TOP6BL: variants seen among roughly 807,000 people sequenced by gnomAD.
TOP6BL encodes TOP6B like initiator of meiotic double strand breaks, also known as type 2 DNA topoisomerase 6 subunit B-like.
At chr11:66,775,049 G>A in the TOP6BL span, among the ~76,000 whole-genome samples, 1 of 137,776 alleles carries the variant, frequency 7.3e-6, no homozygotes, top group African/African-American at 2.6e-5. Flanking sequence ...GGAGGCAGAG[G>A]TTGCAGTGAG....
At chr11:66,791,243 A>G in the TOP6BL span, among the ~76,000 whole-genome samples, 1 of 152,184 alleles carries the variant, frequency 6.6e-6, no homozygotes, top group African/African-American at 2.4e-5. Context: ...GGAAAGTTTC[A>G]TTTAGGAGAG....
chr11:66,756,948 A>G, the TOP6BL span, among the ~76,000 whole-genome samples: 1 of 150,136 alleles, frequency 6.7e-6, no homozygotes. Context: ...TGAGCTCAAA[A>G]TATCTACCCA....
At chr11:66,818,500 C>G in the TOP6BL span, among the ~76,000 whole-genome samples, 1,413 of 152,258 alleles carry the variant, frequency 9.3e-3, 5 homozygotes, top group Non-Finnish European at 0.015. Context: ...CTTATGCTCA[C>G]ATAGACAGAG....
the TOP6BL span, among the ~76,000 whole-genome samples, chr11:66,748,703 G>A: frequency 1.3e-5 from 2 of 152,068 alleles, no homozygotes; most frequent in Non-Finnish European, 2.9e-5. Context: ...GGAAAGGTGA[G>A]TAGTTGAATG....
the TOP6BL span, among the ~76,000 whole-genome samples, chr11:66,773,715 T>C: frequency 6.6e-6 from 1 of 152,144 alleles, no homozygotes; most frequent in Non-Finnish European, 1.5e-5. Context: ...TACGCTAAAG[T>C]CATAATGACA....
the TOP6BL span, among the ~76,000 whole-genome samples, chr11:66,830,789 T>G: frequency 6.6e-6 from 1 of 152,204 alleles, no homozygotes; most frequent in Non-Finnish European, 1.5e-5. Flanking sequence ...ACAAATTCCT[T>G]GAAAGATACG....
At chr11:66,750,503 G>A in the TOP6BL span, among the ~76,000 whole-genome samples, 61 of 152,018 alleles carry the variant, frequency 4.0e-4, 3 homozygotes, top group South Asian at 0.012. Flanking sequence ...AGCCAAGATC[G>A]CACCACTGCA....
chr11:66,802,779 TC>T, the TOP6BL span, among the ~76,000 whole-genome samples: 1 of 152,132 alleles, frequency 6.6e-6, no homozygotes, highest in Non-Finnish European at 1.5e-5. Context: ...GGTAATAATT[TC>T]CCCACCCCAT....
At chr11:66,808,227 G>C in the TOP6BL span, among the ~76,000 whole-genome samples, 1 of 152,208 alleles carries the variant, frequency 6.6e-6, no homozygotes, top group Non-Finnish European at 1.5e-5. Context: ...GGTGATATCA[G>C]ATATTGACTT....
chr11:66,787,234 G>A, the TOP6BL span, among the ~76,000 whole-genome samples: 3 of 151,366 alleles, frequency 2.0e-5, no homozygotes, highest in Admixed American at 6.6e-5. Context: ...GTGCCCAGCC[G>A]ATAGCTAGGA....
At chr11:66,829,781 C>T in the TOP6BL span, among the ~76,000 whole-genome samples, 1 of 151,466 alleles carries the variant, frequency 6.6e-6, no homozygotes, top group Non-Finnish European at 1.5e-5. Flanking sequence ...CCCAGCTACT[C>T]GGGAGGCTGA....
the TOP6BL span, among the ~76,000 whole-genome samples, chr11:66,777,616 C>A: frequency 2.7e-4 from 41 of 151,970 alleles, no homozygotes; most frequent in African/African-American, 9.7e-4. Context: ...GTTGGCCAGG[C>A]GTGGTGGCTC....
the TOP6BL span, chr11:66,816,339 T>C: frequency 8.1e-6 from 8 of 982,152 alleles, no homozygotes; most frequent in Admixed American, 3.0e-5. Flanking sequence ...CTTAATAAAA[T>C]GAACATATCC....
the TOP6BL span, among the ~76,000 whole-genome samples, chr11:66,780,934 C>G: frequency 6.6e-6 from 1 of 152,118 alleles, no homozygotes; most frequent in Non-Finnish European, 1.5e-5. Flanking sequence ...TTTATACCTC[C>G]TGTGTATATG....
the TOP6BL span, chr11:66,748,614 T>G: frequency 1.0e-6 from 1 of 960,968 alleles, no homozygotes; most frequent in Non-Finnish European, 1.5e-6. Context: ...ATCATGTTAT[T>G]CCAGGATTGT....
the TOP6BL span, among the ~76,000 whole-genome samples, chr11:66,812,243 C>T: frequency 2.1e-4 from 31 of 150,132 alleles, no homozygotes; most frequent in African/African-American, 6.9e-4. Flanking sequence ...GTGGCGCAAT[C>T]TCGGCTCACT....
the TOP6BL span, among the ~76,000 whole-genome samples, chr11:66,818,605 A>G: frequency 4.6e-5 from 7 of 152,248 alleles, no homozygotes; most frequent in East Asian, 9.6e-4. Flanking sequence ...AACTTCCTCA[A>G]TGATTTTTGG....
chr11:66,808,620 A>G, the TOP6BL span, among the ~76,000 whole-genome samples: 16 of 152,234 alleles, frequency 1.1e-4, no homozygotes, highest in African/African-American at 3.9e-4. Context: ...AAAATATGAA[A>G]TACCTTTTAA....
the TOP6BL span, among the ~76,000 whole-genome samples, chr11:66,786,039 C>T: frequency 6.6e-6 from 1 of 152,154 alleles, no homozygotes; most frequent in Non-Finnish European, 1.5e-5. Flanking sequence ...TGGCTTACAC[C>T]TGTAATCCCA....
Sources: gnomAD v4.1 joint callset for allele counts (sites outside exome capture counted in the v4.1 genomes callset) on GRCh38, gnomAD v4.1.1 for gene constraint, MANE v1.5 for transcripts, NCBI Gene and HGNC (gene_info 2026-07-23, HGNC 2026-07-21) for gene names.